Variants in SCN3B observed in about 807,000 individuals in gnomAD.
SCN3B encodes the protein sodium voltage-gated channel beta subunit 3.
Under a neutral mutation model 25.4 loss-of-function variants are expected in SCN3B, and 11 were observed. The ratio of observed to expected loss-of-function variants is 0.43; its 90% CI spans 0.27 to 0.72. The LOEUF is 0.72. SCN3B is among the 30% of genes least tolerant of loss of function. The pLI, the probability that SCN3B is intolerant of heterozygous loss-of-function variation, is 0.18. For missense variants in SCN3B, 218 were observed against 278.3 expected (o/e 0.78, Z 1.54); for synonymous variants, 109 against 110.7 (o/e 0.99, Z 0.09).
At chr11:123,633,904 TG>T in intron 6 of SCN3B, 128 bp from the exon 7 acceptor site, 1 of 497,508 alleles carries the variant, frequency 2.0e-6, no homozygotes, top group Non-Finnish European at 3.7e-6. Context: ...AAGTTCAGAT[TG>T]CCTCGACACT....
intron 2 of SCN3B, among the ~76,000 whole-genome samples, chr11:123,648,409 A>G (rs1955879999): frequency 1.3e-5 from 2 of 152,218 alleles, no homozygotes; most frequent in South Asian, 2.1e-4. Context: ...TACAAATGTC[A>G]TTATTCATGT....
Position 123,642,723 on chromosome 11 carries a change from G to C in SCN3B, c.220-52C>G, listed in dbSNP as rs951613326. 2 of 1,414,934 alleles carry C rather than the reference G, an allele frequency of 1.4e-6. No individual in the cohort carries two copies. The highest frequency in any genetic ancestry group is 2.8e-5 in the African/African-American group (2 of 71,050). The allele number at this position is 1,414,934 out of a possible 1,614,324, so 87.6% of individuals were successfully genotyped here. A position where few individuals can be genotyped will look rare whatever the true frequency, so the allele number is the denominator to read the frequency against. ...AGGGCCAGGAAAGGAGATGGCAGTG[G>C]GGGGAAGCCGAGTTAGGGACAGGGC... On this transcript the variant is annotated intron_variant, in intron 3 of 6. Coordinates refer to ENST00000299333, the MANE Select transcript of SCN3B (RefSeq NM_001040151.2). This position sits in a 1 kb window ranked among gnomAD's most constrained non-coding sequence, Gnocchi z 4.3.
At chr11:123,635,685 CAAA>C (rs796965268) in intron 5 of SCN3B, among the ~76,000 whole-genome samples, 3 of 130,008 alleles carry the variant, frequency 2.3e-5, no homozygotes, top group Non-Finnish European at 3.3e-5. Flanking sequence ...GACTCTGTCT[CAAA>C]AAAAAAAAAA....
intron 1 of SCN3B, 159 bp downstream of exon 1, chr11:123,654,067 G>A (rs1006423360): frequency 1.8e-6 from 1 of 562,544 alleles, no homozygotes; most frequent in South Asian, 2.0e-5. Context: ...TCTCGCCGGC[G>A]CTCAGCACCA....
Position 123,642,402 on chromosome 11 carries a change from C to G in SCN3B, c.445+44G>C. On this transcript the variant is annotated intron_variant, in intron 4 of 6. Transcript: ENST00000299333. The surrounding 1 kb of genome is among the most constrained non-coding windows in gnomAD (Gnocchi z 4.3). ...AACTGCTGTCCTACCCTTCCCTGTC[C>G]ACAGAGAGCAGGACGCCCTAGAGAC... 2 of 1,589,364 alleles carry G rather than the reference C, an allele frequency of 1.3e-6. No homozygotes were observed. Among genetic ancestry groups the G allele is most frequent in the Non-Finnish European group, 1.7e-6 (2 of 1,157,626 alleles).
intron 5 of SCN3B, among the ~76,000 whole-genome samples, chr11:123,635,945 G>A (rs781144642): frequency 9.2e-5 from 14 of 152,176 alleles, no homozygotes; most frequent in Admixed American, 6.5e-4. Context: ...AGCCTTCCAT[G>A]TGACTTAATA....
Position 123,632,113 on chromosome 11 carries a change from A to C in SCN3B, c.*1686T>G, listed in dbSNP as rs41497645. 1 of 152,154 alleles carries C rather than the reference A, an allele frequency of 6.6e-6. No individual in the cohort carries two copies. Among genetic ancestry groups the C allele is most frequent in the African/African-American group, 2.4e-5 (1 of 41,450 alleles). The allele number at this position is 152,154 out of a possible 1,614,324, so 9.4% of individuals were successfully genotyped here. A position where few individuals can be genotyped will look rare whatever the true frequency, so the allele number is the denominator to read the frequency against. On this transcript the variant is annotated 3_prime_UTR_variant, in exon 7 of 7. Transcript: ENST00000299333. ...ACTTAATTAAAATGAAACACGAGAT[A>C]TTGACTAAAGTTTTTTCCAGTTTCT...
chr11:123,634,118 C>T lies in SCN3B; in HGVS notation c.*22+3G>A, dbSNP rs373691735. On this transcript the variant is annotated splice_donor_region_variant and intron_variant, in intron 6 of 6. Transcript: ENST00000299333. ...CTTCCCCTCCCATGTTCCTGTAGGT[C>T]ACCTCATGTCACACTGCTCCTGTTC... 15 of 1,610,714 alleles carry T rather than the reference C, an allele frequency of 9.3e-6. No individual in the cohort carries two copies. In the African/African-American group the frequency reaches 1.7e-4, roughly 19 times the overall value.
chr11:123,640,675 A>C (rs1200147703), intron 4 of SCN3B: 3 of 152,136 alleles, frequency 2.0e-5, no homozygotes, highest in African/African-American at 7.2e-5. Context: ...TCTTGCAGAG[A>C]ACTCTGTTCT....
rs1432970116 is a variant in SCN3B at position 123,630,176 on chromosome 11, C to T, written c.*3623G>A. On this transcript the variant is annotated 3_prime_UTR_variant, in exon 7 of 7. Coordinates refer to ENST00000299333, the MANE Select transcript of SCN3B (RefSeq NM_001040151.2). ...GTGTGGGTGTCTGGGAATGGAGAAA[C>T]TAAAAGGTCATGCCGTTAAACAAGT... 1 of 152,402 alleles carries T rather than the reference C, an allele frequency of 6.6e-6. No homozygotes were observed. The highest frequency in any genetic ancestry group is 2.4e-5 in the African/African-American group (1 of 41,432). The allele number at this position is 152,402 out of a possible 1,614,324, so 9.4% of individuals were successfully genotyped here.
At chr11:123,650,474 G>C (rs903118289) in intron 2 of SCN3B, among the ~76,000 whole-genome samples, 1 of 152,130 alleles carries the variant, frequency 6.6e-6, no homozygotes, top group African/African-American at 2.4e-5. Flanking sequence ...CAATTTAGCT[G>C]GTCACTTAGG....
rs1160336006 is a variant in SCN3B, at chr11:123,652,784, A to G, written c.55+963T>C. ...TACCACCCCCACCCCTGCCATACAC[A>G]TACTACTACACTCACCCATGCATTC... On this transcript the variant is annotated intron_variant, in intron 2 of 6. Transcript: ENST00000299333. Among the ~76,000 whole-genome samples, 14 of 150,954 alleles carry G rather than the reference A, an allele frequency of 9.3e-5. No individual in the cohort carries two copies. In the East Asian group the frequency reaches 2.5e-3, roughly 27 times the overall value.
At chr11:123,636,659 C>A (rs984568387) in intron 5 of SCN3B, among the ~76,000 whole-genome samples, 1 of 151,466 alleles carries the variant, frequency 6.6e-6, no homozygotes, top group Admixed American at 6.6e-5. Flanking sequence ...GCCGTTCTGT[C>A]TCTGAACACT....
chr11:123,639,294 G>A (rs1955761435), intron 4 of SCN3B: 1 of 152,222 alleles, frequency 6.6e-6, no homozygotes, highest in Admixed American at 6.5e-5. Flanking sequence ...AGTAGTTCTA[G>A]ATTCCTGTGA....
intron 4 of SCN3B, chr11:123,640,442 G>C (rs1955773985): frequency 6.6e-6 from 1 of 151,432 alleles, no homozygotes; most frequent in Non-Finnish European, 1.5e-5. Context: ...ATGTGGGGTT[G>C]ATGGGCAGGT....
At chr11:123,645,476 GAA>G (rs1264080122) in intron 3 of SCN3B, 109 bp downstream of exon 3, 13 of 1,109,048 alleles carry the variant, frequency 1.2e-5, no homozygotes, top group Non-Finnish European at 1.8e-5. Context: ...TCAGTGTTTG[GAA>G]GAGAAGGAGC....
rs1955966206 is a variant in SCN3B, at chr11:123,654,214, A to AGG, written c.-26+10_-26+11dup. On this transcript the variant is annotated intron_variant, in intron 1 of 6. Transcript: ENST00000299333. The stretch of plus-strand genomic sequence containing the variant: ...TAGCAGCCAGGCTGTGGAAGGGTCC[A>AGG]GGTTGATTCACCTCTCGCCTCCCCA... 1 of 269,270 alleles carries AGG rather than the reference A, an allele frequency of 3.7e-6. No homozygotes were observed. The highest frequency in any genetic ancestry group is 7.3e-6 in the Non-Finnish European group (1 of 136,868). 16.7% of individuals were successfully genotyped at this position (269,270 alleles called of 1,614,324 possible).
chr11:123,645,543 C>T (rs1302760909), intron 3 of SCN3B, 44 bp downstream of exon 3: 1 of 1,608,070 alleles, frequency 6.2e-7, no homozygotes, highest in East Asian at 2.2e-5. Flanking sequence ...CTGGGAACAG[C>T]AGAGGCCAGC....
Position 123,638,237 on chromosome 11 carries a change from A to G in SCN3B, c.533T>C (p.Ile178Thr), listed in dbSNP as rs547718216. Reference protein sequence around the residue: ...FLTLWLLIEMIYCYRKVSKAE... With the variant: ...FLTLWLLIEMTYCYRKVSKAE... ...TTTTGAGACCTTTCTGTAGCAATAT[A>G]TCATCTCGATGAGCAGCCACAAGGT... The change falls in exon 5 of 7, where the codon ATA becomes ACA. Residue 178 changes from isoleucine (I) to threonine (T), a missense_variant. Coordinates refer to ENST00000299333, the MANE Select transcript of SCN3B (RefSeq NM_001040151.2). The G allele has an allele frequency of 1.9e-6, 3 of 1,614,174 alleles. No individual in the cohort carries two copies. The highest frequency in any genetic ancestry group is 2.7e-5 in the African/African-American group (2 of 75,042).
Sources: gnomAD v4.1 joint callset for allele counts (sites outside exome capture counted in the v4.1 genomes callset) on GRCh38, gnomAD v4.1.1 for gene constraint, Gnocchi (gnomAD v3.1) non-coding constraint, MANE v1.5 for transcripts, NCBI Gene and HGNC (gene_info 2026-07-23, HGNC 2026-07-21) for gene names.